The following DSCAM variants were observed in gnomAD, a reference collection of about 807,000 sequenced individuals.
DSCAM encodes the protein DS cell adhesion molecule.
DSCAM carries 47 observed loss-of-function variants against 217.7 expected under a neutral mutation model. The observed-to-expected ratio is 0.22, with a 90% CI of 0.17 to 0.28. DSCAM has a LOEUF of 0.28. Among genes scored for constraint, DSCAM ranks in the 10% least tolerant of loss-of-function variants. The pLI is 1.00. For missense variants in DSCAM, 2,080 were observed against 2,618.3 expected (o/e 0.79, Z 4.49); for synonymous variants, 1,056 against 1,015.3 (o/e 1.04, Z -0.76).
chr21:40,162,724 C>T (rs2090552635), intron 16 of DSCAM, among the ~76,000 whole-genome samples: 2 of 152,228 alleles, frequency 1.3e-5, no homozygotes, highest in South Asian at 2.1e-4. Context: ...TTTCTTAATT[C>T]TAAATGAGAA....
At chr21:40,504,550 C>T (rs368375257) in intron 3 of DSCAM, among the ~76,000 whole-genome samples, 5 of 152,310 alleles carry the variant, frequency 3.3e-5, no homozygotes, top group East Asian at 1.9e-4. Context: ...GCATGACACT[C>T]GTTTTAGAAA....
chr21:40,828,407 T>C (rs566652978), intron 1 of DSCAM, among the ~76,000 whole-genome samples: 3 of 152,192 alleles, frequency 2.0e-5, no homozygotes, highest in Admixed American at 2.0e-4. Context: ...GGACCTGAGA[T>C]TAAGGTTCCA....
In DSCAM at chr21:40,565,227, C is replaced by T. The variant is rs534896863; in HGVS notation, c.508+127583G>A. On this transcript the variant is annotated intron_variant, in intron 3 of 32. Coordinates refer to ENST00000400454, the MANE Select transcript of DSCAM (RefSeq NM_001389.5). ...TGGCCAATGCGGCTAATAGGGCTTA[C>T]ATCTCTTGACAGTTGAGCAGCCATT... Among the ~76,000 whole-genome samples the T allele has an allele frequency of 5.3e-5, 8 of 152,304 alleles. No individual in the cohort carries two copies. In the South Asian group the frequency reaches 1.7e-3, roughly 32 times the overall value.
intron 3 of DSCAM, among the ~76,000 whole-genome samples, chr21:40,582,346 G>C (rs550469074): frequency 6.6e-6 from 1 of 152,078 alleles, no homozygotes; most frequent in East Asian, 1.9e-4. Flanking sequence ...CGGTTTGCAG[G>C]TTTTTAATTT....
intron 19 of DSCAM, 85 bp downstream of exon 19, chr21:40,133,769 T>A: frequency 6.8e-7 from 1 of 1,474,492 alleles, no homozygotes; most frequent in Non-Finnish European, 9.1e-7. Context: ...AATAGCCTGA[T>A]GAACTGCAGG....
intron 1 of DSCAM, among the ~76,000 whole-genome samples, chr21:40,813,513 CTA>C (rs2091856268): frequency 1.3e-5 from 2 of 152,068 alleles, no homozygotes; most frequent in Non-Finnish European, 2.9e-5. Context: ...AGTTGTGTCA[CTA>C]TTATCATTCA....
intron 10 of DSCAM, among the ~76,000 whole-genome samples, chr21:40,278,285 A>C (rs1206732040): frequency 6.6e-6 from 1 of 152,234 alleles, no homozygotes; most frequent in Non-Finnish European, 1.5e-5. Context: ...TAACATTTTC[A>C]GAAAGAGGTT....
At chr21:40,751,179 T>C (rs1480583730) in intron 1 of DSCAM, among the ~76,000 whole-genome samples, 1 of 152,144 alleles carries the variant, frequency 6.6e-6, no homozygotes, top group African/African-American at 2.4e-5. Context: ...CAGGACTCTA[T>C]CACTTCGTTT....
intron 14 of DSCAM, among the ~76,000 whole-genome samples, chr21:40,181,368 CAG>C (rs1004873754): frequency 2.0e-5 from 3 of 152,152 alleles, no homozygotes; most frequent in East Asian, 1.9e-4. Context: ...CCTACCAAAC[CAG>C]AGTCTCTGGG....
At chr21:40,013,618 G>A (rs1186221295) in intron 32 of DSCAM, among the ~76,000 whole-genome samples, 1 of 152,170 alleles carries the variant, frequency 6.6e-6, no homozygotes, top group African/African-American at 2.4e-5. Context: ...TTACTTACTT[G>A]TATTAACTTA....
rs189333749 is a variant in DSCAM at position 40,274,705 on chromosome 21, C to T, written c.2356+1392G>A. ...TGCACATCATTTCCTCCAGAGCATA[C>T]GATTTAAAAGTCAAAAACTAGGTAT... On this transcript the variant is annotated intron_variant, in intron 11 of 32. Coordinates refer to ENST00000400454, the MANE Select transcript of DSCAM (RefSeq NM_001389.5). 1.7e-3 allele frequency among the ~76,000 whole-genome samples: 263 copies of T among 152,222 alleles called. 1 individual carries two copies. Among genetic ancestry groups the T allele is most frequent in the Middle Eastern group, 3.4e-3 (1 of 294 alleles).
At chr21:40,677,929 A>G (rs925485669) in intron 3 of DSCAM, among the ~76,000 whole-genome samples, 8 of 152,262 alleles carry the variant, frequency 5.3e-5, no homozygotes, top group Admixed American at 5.2e-4. Context: ...TAAGCCACCC[A>G]ATGCATGGTA....
Position 40,201,595 on chromosome 21 carries a change from C to T in DSCAM, c.2357-12357G>A, listed in dbSNP as rs553370374. Among the ~76,000 whole-genome samples, 7 of 152,246 alleles carry T rather than the reference C, an allele frequency of 4.6e-5. No individual in the cohort carries two copies. The South Asian group carries it at 1.5e-3, about 32-fold the overall frequency. On this transcript the variant is annotated intron_variant, in intron 11 of 32. Coordinates refer to ENST00000400454, the MANE Select transcript of DSCAM (RefSeq NM_001389.5). ...TAGCTGGGATTACAGGCATGCTCCA[C>T]CATGCCTGGCTGATTTTGTATTTTT...
intron 1 of DSCAM, among the ~76,000 whole-genome samples, chr21:40,834,678 C>T (rs778409180): frequency 4.6e-5 from 7 of 152,086 alleles, no homozygotes; most frequent in Non-Finnish European, 1.0e-4. Context: ...TTCTAGACTT[C>T]AGTGTGCCCT....
chr21:40,312,940 C>T (rs929271228), intron 8 of DSCAM, among the ~76,000 whole-genome samples: 14 of 151,810 alleles, frequency 9.2e-5, no homozygotes, highest in African/African-American at 3.1e-4. Context: ...TAACGGGACC[C>T]CCATATCTAC....
At chr21:40,418,435 T>C (rs184800277) in intron 3 of DSCAM, among the ~76,000 whole-genome samples, 38 of 152,336 alleles carry the variant, frequency 2.5e-4, no homozygotes, top group African/African-American at 8.9e-4. Flanking sequence ...CCAATTCATA[T>C]AGTTCTGCAG....
intron 30 of DSCAM, among the ~76,000 whole-genome samples, chr21:40,049,670 A>C (rs2146492869): frequency 6.6e-6 from 1 of 152,314 alleles, no homozygotes; most frequent in East Asian, 1.9e-4. Flanking sequence ...AATACTTTTG[A>C]GTGCTGAATG....
At chr21:40,562,760 C>T (rs2076730422) in intron 3 of DSCAM, among the ~76,000 whole-genome samples, 1 of 152,128 alleles carries the variant, frequency 6.6e-6, no homozygotes, top group Non-Finnish European at 1.5e-5. Flanking sequence ...GTACCCAGTG[C>T]TGCTGGAGGT....
intron 3 of DSCAM, among the ~76,000 whole-genome samples, chr21:40,669,243 A>G (rs940623663): frequency 1.3e-5 from 2 of 152,148 alleles, no homozygotes; most frequent in African/African-American, 4.8e-5. Context: ...TATTTACCCT[A>G]AGATACAAAA....
Sources: allele counts gnomAD v4.1 joint callset (sites outside exome capture counted in the v4.1 genomes callset), GRCh38; gene constraint gnomAD v4.1.1; transcripts MANE v1.5; gene names NCBI Gene and HGNC (gene_info 2026-07-23, HGNC 2026-07-21).